Variants in SNTG1 observed in about 807,000 individuals in gnomAD.
SNTG1 encodes syntrophin gamma 1, also known as gamma-1-syntrophin.
A neutral mutation model predicts 74.7 loss-of-function variants in SNTG1; 39 were observed. The observed-to-expected ratio is 0.52, with a 90% CI of 0.40 to 0.68. SNTG1 has a LOEUF of 0.68. SNTG1 is among the 30% of genes least tolerant of loss of function. SNTG1 has a pLI of 0.00. For missense variants in SNTG1, 685 were observed against 609.5 expected (o/e 1.12, Z -1.30); for synonymous variants, 254 against 217.1 (o/e 1.17, Z -1.49).
intron 9 of SNTG1, among the ~76,000 whole-genome samples, chr8:50,529,159 G>A (rs1377040505): frequency 6.6e-6 from 1 of 151,770 alleles, no homozygotes; most frequent in Non-Finnish European, 1.5e-5. Flanking sequence ...TTGCTTTAAA[G>A]TAATACATAT....
At chr8:50,364,227 G>A (rs1028365270) in intron 2 of SNTG1, among the ~76,000 whole-genome samples, 8 of 152,220 alleles carry the variant, frequency 5.3e-5, no homozygotes, top group African/African-American at 9.6e-5. Context: ...AGCCACACCC[G>A]CTGCTTAGAG....
chr8:50,743,494 A>G (rs7846673), intron 17 of SNTG1, among the ~76,000 whole-genome samples: 62,958 of 151,472 alleles, frequency 0.42, 15,513 homozygotes, highest in African/African-American at 0.69. Context: ...AGGAATAGAA[A>G]GATATTTGAA....
chr8:50,217,754 G>A (rs990698016), intron 2 of SNTG1, among the ~76,000 whole-genome samples: 1 of 152,130 alleles, frequency 6.6e-6, no homozygotes, highest in African/African-American at 2.4e-5. Flanking sequence ...ATATTTTCTA[G>A]TAGGCCAGAG....
At chr8:50,234,463 G>T (rs1428329698) in intron 2 of SNTG1, among the ~76,000 whole-genome samples, 2 of 151,804 alleles carry the variant, frequency 1.3e-5, no homozygotes, top group South Asian at 2.1e-4. Flanking sequence ...CCTTCATTTG[G>T]TGTTGGTAAC....
At chr8:50,186,004 T>C (rs756149936) in intron 2 of SNTG1, among the ~76,000 whole-genome samples, 21 of 151,984 alleles carry the variant, frequency 1.4e-4, no homozygotes, top group Non-Finnish European at 2.9e-4. Context: ...TACCCTAGAC[T>C]CCCACCCCCG....
intron 1 of SNTG1, among the ~76,000 whole-genome samples, chr8:50,005,416 A>G (rs993096281): frequency 1.3e-5 from 2 of 151,956 alleles, no homozygotes; most frequent in African/African-American, 4.8e-5. Flanking sequence ...CTCATATTGT[A>G]AAAAGGAACA....
intron 1 of SNTG1, among the ~76,000 whole-genome samples, chr8:50,162,986 G>GGAT (rs2082477132): frequency 6.6e-6 from 1 of 152,172 alleles, no homozygotes; most frequent in Admixed American, 6.5e-5. Flanking sequence ...AAACAGAAGG[G>GGAT]GATGGCATCT....
intron 1 of SNTG1, among the ~76,000 whole-genome samples, chr8:50,135,083 C>T (rs1420229673): frequency 6.6e-6 from 1 of 152,066 alleles, no homozygotes; most frequent in Non-Finnish European, 1.5e-5. Context: ...ACTCAGATTC[C>T]CTTTTCTGCA....
intron 15 of SNTG1, among the ~76,000 whole-genome samples, chr8:50,701,510 C>T (rs2095423418): frequency 6.6e-6 from 1 of 152,120 alleles, no homozygotes; most frequent in South Asian, 2.1e-4. Flanking sequence ...TCGTTTTCAG[C>T]CACTGTTTAA....
intron 17 of SNTG1, among the ~76,000 whole-genome samples, chr8:50,725,046 A>G (rs941210691): frequency 2.0e-5 from 3 of 152,188 alleles, no homozygotes; most frequent in African/African-American, 4.8e-5. Context: ...TCACTTTGAT[A>G]AGAAAACTTC....
chr8:50,449,673 A>G lies in SNTG1; in HGVS notation c.225A>G (p.Gly75=), dbSNP rs2093437630. The G allele has an allele frequency of 3.1e-6, 5 of 1,592,766 alleles. No individual in the cohort carries two copies. The highest frequency in any genetic ancestry group is 1.7e-6 in the Non-Finnish European group (2 of 1,168,146). ...ATATGATTTTCTCTTTTCAGGGAGGAGCAGAACATAACATTCCAGTTGTCG... is the reference window on the plus strand; with the variant it reads ...ATATGATTTTCTCTTTTCAGGGAGGGGCAGAACATAACATTCCAGTTGTCG... ...VGGFGLSIKG[G]AEHNIPVVVS... Residue 75 remains glycine, a synonymous_variant, in exon 6 of 19, where the codon GGA becomes GGG. Coordinates refer to ENST00000642720, the MANE Select transcript of SNTG1 (RefSeq NM_018967.5).
At chr8:50,223,839 C>A (rs1421661696) in intron 2 of SNTG1, among the ~76,000 whole-genome samples, 1 of 151,886 alleles carries the variant, frequency 6.6e-6, no homozygotes, top group Non-Finnish European at 1.5e-5. Flanking sequence ...CAGTGTAGAA[C>A]AGATGCATTA....
At chr8:50,755,322 C>T (rs1284218785) in intron 18 of SNTG1, among the ~76,000 whole-genome samples, 7 of 151,650 alleles carry the variant, frequency 4.6e-5, no homozygotes, top group African/African-American at 1.7e-4. Context: ...GTACTTTTTC[C>T]TTTTTCAAAA....
chr8:50,679,154 A>G (rs1364999521), intron 15 of SNTG1, among the ~76,000 whole-genome samples: 1 of 152,088 alleles, frequency 6.6e-6, no homozygotes, highest in African/African-American at 2.4e-5. Context: ...TTCTGACTTT[A>G]TTCATGGCTA....
chr8:49,951,212 G>A (rs1156830717), intron 1 of SNTG1, among the ~76,000 whole-genome samples: 1 of 152,022 alleles, frequency 6.6e-6, no homozygotes, highest in East Asian at 1.9e-4. Context: ...CTTATGCTAC[G>A]GAAAATACTT....
chr8:50,395,777 C>T (rs935320393), intron 3 of SNTG1, among the ~76,000 whole-genome samples: 31 of 152,274 alleles, frequency 2.0e-4, no homozygotes, highest in African/African-American at 7.2e-4. Context: ...TCCCAAAGTG[C>T]TGGGATTACA....
intron 1 of SNTG1, among the ~76,000 whole-genome samples, chr8:49,978,072 A>T (rs192214895): frequency 6.6e-6 from 1 of 152,332 alleles, no homozygotes; most frequent in East Asian, 1.9e-4. Flanking sequence ...CCAGCTCACA[A>T]CGGTCCACTC....
intron 3 of SNTG1, among the ~76,000 whole-genome samples, chr8:50,399,401 A>G (rs1280529092): frequency 1.3e-5 from 2 of 152,210 alleles, no homozygotes; most frequent in African/African-American, 4.8e-5. Flanking sequence ...TTGGCCATAT[A>G]GAAATTAAAT....
intron 15 of SNTG1, among the ~76,000 whole-genome samples, chr8:50,671,002 G>A (rs2095279147): frequency 6.6e-6 from 1 of 150,610 alleles, no homozygotes; most frequent in South Asian, 2.1e-4. Context: ...GTAGAAAGCT[G>A]AAACTGGATC....
Sources: gnomAD v4.1 joint callset for allele counts (sites outside exome capture counted in the v4.1 genomes callset) on GRCh38, gnomAD v4.1.1 for gene constraint, MANE v1.5 for transcripts, NCBI Gene and HGNC (gene_info 2026-07-23, HGNC 2026-07-21) for gene names.